Variants in GOLIM4 observed in about 807,000 individuals in gnomAD.
The protein encoded by GOLIM4 is 130 kDa golgi-localized phosphoprotein.
A neutral mutation model predicts 107.4 loss-of-function variants in GOLIM4; 71 were observed. That is an observed-to-expected ratio of 0.66 (90% CI 0.55 to 0.81). The LOEUF is 0.81. GOLIM4 is among the 30% of genes least tolerant of loss of function. The probability of loss-of-function intolerance (pLI) is 0.00; values close to 1 mark genes in which losing one functional copy is unlikely to be tolerated. For synonymous variants in GOLIM4, 327 were observed against 294.8 expected (o/e 1.11, Z -1.12); for missense variants, 830 against 826.1 (o/e 1.00, Z -0.06).
intron 14 of GOLIM4, among the ~76,000 whole-genome samples, chr3:168,012,255 G>C (rs1717087100): frequency 7.3e-6 from 1 of 137,098 alleles, no homozygotes; most frequent in Non-Finnish European, 1.5e-5. Context: ...GAAGCCTCAG[G>C]AGCCGATGCA....
intron 1 of GOLIM4, among the ~76,000 whole-genome samples, chr3:168,079,786 C>T (rs1351081223): frequency 6.6e-6 from 1 of 151,880 alleles, no homozygotes; most frequent in East Asian, 1.9e-4. Flanking sequence ...AGTTTTAAAG[C>T]TACAATAAAA....
intron 8 of GOLIM4, among the ~76,000 whole-genome samples, chr3:168,033,567 A>AC (rs1488191875): frequency 8.2e-6 from 1 of 122,478 alleles, no homozygotes; most frequent in Non-Finnish European, 1.6e-5. Context: ...AGATTGCGCC[A>AC]CTGCACTCCA....
intron 12 of GOLIM4, among the ~76,000 whole-genome samples, chr3:168,026,895 C>A (rs1718022539): frequency 6.6e-6 from 1 of 152,212 alleles, no homozygotes; most frequent in Admixed American, 6.5e-5. Flanking sequence ...TGATGATTAG[C>A]AAGGACATGG....
chr3:168,033,388 G>A lies in GOLIM4; in HGVS notation c.844-536C>T, dbSNP rs1278268492. ...TGGGAGGTCGAGGCGGGTGGATCAC[G>A]AGGTCAGGAGATCGAGACCATCCTG... On this transcript the variant is annotated intron_variant, in intron 8 of 15. Transcript: ENST00000470487. Among the ~76,000 whole-genome samples, 5 of 151,822 alleles carry A rather than the reference G, an allele frequency of 3.3e-5. No homozygotes were observed. In the East Asian group the frequency reaches 5.8e-4, roughly 18 times the overall value.
intron 14 of GOLIM4, among the ~76,000 whole-genome samples, chr3:168,017,691 C>T (rs1717449343): frequency 6.6e-6 from 1 of 152,190 alleles, no homozygotes; most frequent in African/African-American, 2.4e-5. Flanking sequence ...CCGCTGCCTA[C>T]ATACAATATA....
chr3:168,094,854 A>C (rs116181487), intron 1 of GOLIM4, among the ~76,000 whole-genome samples: 510 of 152,326 alleles, frequency 3.3e-3, no homozygotes, highest in African/African-American at 0.012. Context: ...CCAAACGCCC[A>C]GCGGGACGAT....
intron 1 of GOLIM4, among the ~76,000 whole-genome samples, chr3:168,089,340 C>T (rs1456683725): frequency 2.0e-5 from 3 of 152,182 alleles, no homozygotes; most frequent in African/African-American, 7.2e-5. Flanking sequence ...AGTACACCTA[C>T]CACACATTGC....
chr3:168,042,386 G>T (rs4408909), intron 5 of GOLIM4, among the ~76,000 whole-genome samples: 13,189 of 152,188 alleles, frequency 0.087, 1,865 homozygotes, highest in African/African-American at 0.3. Context: ...GTTCAAGCGA[G>T]TCTCTTGCCT....
In GOLIM4 at chr3:168,085,572, T is replaced by C. The variant is rs537744757; in HGVS notation, c.187+9527A>G. ...GGACCAAAAGGGGTAGAAGCAGTAC[T>C]AAATTTAAAAAGGCCACGGGTCCTT... On this transcript the variant is annotated intron_variant, in intron 1 of 15. Transcript: ENST00000470487. Among the ~76,000 whole-genome samples, 15 of 152,302 alleles carry C rather than the reference T, an allele frequency of 9.8e-5. No individual in the cohort carries two copies. In the East Asian group the frequency reaches 2.3e-3, roughly 23 times the overall value.
In GOLIM4 at chr3:168,095,822, C is replaced by G. The variant is rs1056316946; in HGVS notation, c.-537G>C. On this transcript the variant is annotated 5_prime_UTR_variant, in exon 1 of 16. Transcript: ENST00000470487. ...GAAGGGTGGGGGCCAGCTGTCTCGG[C>G]TGGTTTTGGGGACGGCACAGCGGTG... The G allele has an allele frequency of 6.5e-6, 1 of 152,930 alleles. No homozygotes were observed. Among genetic ancestry groups the G allele is most frequent in the African/African-American group, 2.4e-5 (1 of 41,460 alleles). 9.5% of individuals were successfully genotyped at this position (152,930 alleles called of 1,614,324 possible).
chr3:168,070,311 T>C (rs1720769293), intron 1 of GOLIM4, among the ~76,000 whole-genome samples: 1 of 152,214 alleles, frequency 6.6e-6, no homozygotes. Flanking sequence ...GAGAATCACT[T>C]GAACCCGGGA....
chr3:168,062,868 C>T (rs1303989978), intron 1 of GOLIM4, among the ~76,000 whole-genome samples: 2 of 152,262 alleles, frequency 1.3e-5, no homozygotes, highest in East Asian at 1.9e-4. Flanking sequence ...CCGGTATTTC[C>T]GGCTTAGCTA....
At chr3:168,085,959 G>T (rs925396798) in intron 1 of GOLIM4, among the ~76,000 whole-genome samples, 28 of 152,032 alleles carry the variant, frequency 1.8e-4, no homozygotes, top group African/African-American at 6.8e-4. Flanking sequence ...AAGAATTATA[G>T]TTAAAGATTG....
In GOLIM4 at chr3:168,015,009, T is replaced by C. The variant is rs1717281720; in HGVS notation, c.1861-4186A>G. Among the ~76,000 whole-genome samples the C allele has an allele frequency of 2.0e-5, 3 of 150,492 alleles. No individual in the cohort carries two copies. In the South Asian group the frequency reaches 6.3e-4, roughly 32 times the overall value. On this transcript the variant is annotated intron_variant, in intron 14 of 15. Transcript: ENST00000470487. ...CAGGGATGCCCTCTCTCACCACTCC[T>C]ATTCAACATAGTGTTGGAAGTTCTG...
intron 1 of GOLIM4, among the ~76,000 whole-genome samples, chr3:168,073,885 A>T (rs1332061173): frequency 1.3e-5 from 2 of 152,178 alleles, no homozygotes; most frequent in Non-Finnish European, 2.9e-5. Flanking sequence ...AGTGACCTCT[A>T]GCACCTGGTA....
At chr3:168,036,396 C>A (rs1465062662) in intron 8 of GOLIM4, among the ~76,000 whole-genome samples, 1 of 152,114 alleles carries the variant, frequency 6.6e-6, no homozygotes, top group Admixed American at 6.6e-5. Flanking sequence ...CAAAAATTAG[C>A]CAGGCGTGGT....
intron 6 of GOLIM4, 158 bp downstream of exon 6, chr3:168,041,234 T>C (rs551337517): frequency 3.7e-5 from 21 of 560,618 alleles, no homozygotes; most frequent in African/African-American, 3.4e-4. Flanking sequence ...CTTACAATGC[T>C]GAAGTGGTAA....
At chr3:168,070,704 G>A (rs1470190315) in intron 1 of GOLIM4, among the ~76,000 whole-genome samples, 1 of 152,090 alleles carries the variant, frequency 6.6e-6, no homozygotes, top group Non-Finnish European at 1.5e-5. Flanking sequence ...GGTTATTAAA[G>A]AAGTTCAAAC....
At chr3:168,043,919 A>G (rs1003194669) in intron 4 of GOLIM4, among the ~76,000 whole-genome samples, 2 of 152,198 alleles carry the variant, frequency 1.3e-5, no homozygotes, top group Non-Finnish European at 2.9e-5. Flanking sequence ...AATGCATTTA[A>G]TTTTCCTTCT....
Sources: gnomAD v4.1 joint callset for allele counts (sites outside exome capture counted in the v4.1 genomes callset) on GRCh38, gnomAD v4.1.1 for gene constraint, MANE v1.5 for transcripts, NCBI Gene and HGNC (gene_info 2026-07-23, HGNC 2026-07-21) for gene names.